REDIC1: variants seen among roughly 807,000 people sequenced by gnomAD.
REDIC1 encodes the protein HEI10 Interacting Protein 1.
chr12:39,810,883 GT>G, the REDIC1 span, among the ~76,000 whole-genome samples: 1 of 152,034 alleles, frequency 6.6e-6, no homozygotes, highest in African/African-American at 2.4e-5. Flanking sequence ...TTCATCTATA[GT>G]TTTTCTTTCT....
At chr12:39,850,612 G>T in the REDIC1 span, among the ~76,000 whole-genome samples, 1 of 152,174 alleles carries the variant, frequency 6.6e-6, no homozygotes, top group African/African-American at 2.4e-5. Context: ...TACGGTAATT[G>T]CCAAAAATTT....
the REDIC1 span, among the ~76,000 whole-genome samples, chr12:39,712,750 C>CAT: frequency 0.13 from 18,571 of 141,078 alleles, 2,987 homozygotes; most frequent in African/African-American, 0.38. Flanking sequence ...GACGTGTACA[C>CAT]ATATGTGTAT....
At chr12:39,664,812 T>A in the REDIC1 span, among the ~76,000 whole-genome samples, 1 of 152,242 alleles carries the variant, frequency 6.6e-6, no homozygotes, top group African/African-American at 2.4e-5. Flanking sequence ...TGATTTGCAT[T>A]TCTCTGATGG....
At chr12:39,630,918 G>C in the REDIC1 span, among the ~76,000 whole-genome samples, 4 of 152,122 alleles carry the variant, frequency 2.6e-5, no homozygotes, top group Non-Finnish European at 5.9e-5. Flanking sequence ...TTATGCCTGT[G>C]GTCCTAGTAG....
At chr12:39,812,996 A>T in the REDIC1 span, among the ~76,000 whole-genome samples, 6 of 40,602 alleles carry the variant, frequency 1.5e-4, no homozygotes, top group African/African-American at 1.9e-4. Flanking sequence ...TGCCCAGCTA[A>T]TTTTTTTTTT....
chr12:39,819,406 T>C, the REDIC1 span, among the ~76,000 whole-genome samples: 1 of 152,154 alleles, frequency 6.6e-6, no homozygotes, highest in Non-Finnish European at 1.5e-5. Flanking sequence ...TATTTACAGA[T>C]TTACAGTCCA....
At chr12:39,711,228 C>A in the REDIC1 span, among the ~76,000 whole-genome samples, 1 of 148,450 alleles carries the variant, frequency 6.7e-6, no homozygotes, top group Non-Finnish European at 1.5e-5. Flanking sequence ...TTTAATCTAC[C>A]ATATATATAT....
chr12:39,870,935 G>C, the REDIC1 span, among the ~76,000 whole-genome samples: 1 of 152,106 alleles, frequency 6.6e-6, no homozygotes. Context: ...CAATGTTTTC[G>C]ATACAATTTG....
At chr12:39,705,168 G>A in the REDIC1 span, among the ~76,000 whole-genome samples, 4 of 151,986 alleles carry the variant, frequency 2.6e-5, no homozygotes, top group East Asian at 5.8e-4. Context: ...AGGATCATTC[G>A]TGGGTGCTAT....
chr12:39,848,275 T>C, the REDIC1 span, among the ~76,000 whole-genome samples: 1 of 152,124 alleles, frequency 6.6e-6, no homozygotes, highest in African/African-American at 2.4e-5. Flanking sequence ...TTACAAACTA[T>C]GCATCTGACA....
the REDIC1 span, among the ~76,000 whole-genome samples, chr12:39,729,136 G>A: frequency 0.21 from 31,480 of 151,778 alleles, 3,983 homozygotes; most frequent in East Asian, 0.38. Flanking sequence ...GTTTTTGAAG[G>A]GTTTTTCATG....
chr12:39,853,076 T>C, the REDIC1 span, among the ~76,000 whole-genome samples: 2 of 152,228 alleles, frequency 1.3e-5, no homozygotes, highest in African/African-American at 4.8e-5. Context: ...GCTTTGTTTG[T>C]ATGTTTTGTC....
At chr12:39,734,558 G>T in the REDIC1 span, among the ~76,000 whole-genome samples, 1 of 152,114 alleles carries the variant, frequency 6.6e-6, no homozygotes, top group African/African-American at 2.4e-5. Flanking sequence ...TTTTTGTAAT[G>T]TATATAATAT....
the REDIC1 span, among the ~76,000 whole-genome samples, chr12:39,896,344 ATATG>A: frequency 3.7e-4 from 50 of 134,526 alleles, 1 homozygote; most frequent in African/African-American, 1.2e-3. Flanking sequence ...ATGTATACAT[ATATG>A]TATGTATATG....
the REDIC1 span, among the ~76,000 whole-genome samples, chr12:39,860,350 T>G: frequency 6.6e-6 from 1 of 152,228 alleles, no homozygotes; most frequent in Non-Finnish European, 1.5e-5. Flanking sequence ...GCCCAATTGA[T>G]TAGTAAACTA....
chr12:39,814,520 A>G, the REDIC1 span, among the ~76,000 whole-genome samples: 3 of 152,200 alleles, frequency 2.0e-5, no homozygotes, highest in East Asian at 5.8e-4. Flanking sequence ...ATTTAACAAA[A>G]ATTAATAGAT....
chr12:39,860,143 A>G, the REDIC1 span, among the ~76,000 whole-genome samples: 1 of 152,224 alleles, frequency 6.6e-6, no homozygotes, highest in African/African-American at 2.4e-5. Flanking sequence ...GGACAAGAGA[A>G]GCCTAAAGAA....
chr12:39,729,034 A>G, the REDIC1 span, among the ~76,000 whole-genome samples: 1 of 144,258 alleles, frequency 6.9e-6, no homozygotes, highest in Non-Finnish European at 1.5e-5. Flanking sequence ...TGTTGTGTCT[A>G]TTTGATTCTT....
chr12:39,713,085 A>G, the REDIC1 span, among the ~76,000 whole-genome samples: 15 of 148,986 alleles, frequency 1.0e-4, no homozygotes, highest in East Asian at 2.0e-4. Flanking sequence ...GCATACGTGT[A>G]TGTGTAGATA....
Sources: allele counts gnomAD v4.1 joint callset (sites outside exome capture counted in the v4.1 genomes callset), GRCh38; gene constraint gnomAD v4.1.1; transcripts MANE v1.5; gene names NCBI Gene and HGNC (gene_info 2026-07-23, HGNC 2026-07-21).